Variants in ANKRD28 observed in about 807,000 individuals in gnomAD.
The protein encoded by ANKRD28 is serine/threonine-protein phosphatase 6 regulatory ankyrin repeat subunit A.
ANKRD28 carries 44 observed loss-of-function variants against 126.5 expected under a neutral mutation model. The ratio of observed to expected loss-of-function variants is 0.35; its 90% CI spans 0.27 to 0.45. The LOEUF (loss-of-function observed/expected upper bound fraction) is 0.45. Among genes scored for constraint, ANKRD28 ranks in the 20% least tolerant of loss-of-function variants. The probability of loss-of-function intolerance (pLI) is 1.00; values close to 1 mark genes in which losing one functional copy is unlikely to be tolerated. For missense variants in ANKRD28, 1,110 were observed against 1,316.6 expected, an observed-to-expected ratio of 0.84 and a Z score of 2.43; for synonymous variants, 442 against 468.5, an observed-to-expected ratio of 0.94 and a Z score of 0.73.
chr3:15,818,908 T>C (rs1264716501), intron 1 of ANKRD28, among the ~76,000 whole-genome samples: 3 of 152,144 alleles, frequency 2.0e-5, no homozygotes, highest in Non-Finnish European at 2.9e-5. Flanking sequence ...GTGAAATTCA[T>C]ATGGAAAGGA....
chr3:15,677,439 A>AATATT, intron 25 of ANKRD28, 41 bp downstream of exon 25: 1 of 1,457,704 alleles, frequency 6.9e-7, no homozygotes, highest in Non-Finnish European at 9.5e-7. Flanking sequence ...GGTCACTGTT[A>AATATT]ATATTAACAA....
intron 1 of ANKRD28, among the ~76,000 whole-genome samples, chr3:15,809,114 T>C (rs1443596774): frequency 6.6e-6 from 1 of 152,160 alleles, no homozygotes; most frequent in Non-Finnish European, 1.5e-5. Flanking sequence ...TGGTTAATAG[T>C]AATGGCATCA....
chr3:15,723,664 A>C (rs1044376588), intron 7 of ANKRD28, among the ~76,000 whole-genome samples: 15 of 152,120 alleles, frequency 9.9e-5, no homozygotes, highest in Non-Finnish European at 1.5e-5. Flanking sequence ...CTAGCTATTC[A>C]GGAGGCTTAG....
chr3:15,790,305 C>T (rs1486608550), intron 2 of ANKRD28, among the ~76,000 whole-genome samples: 2 of 151,926 alleles, frequency 1.3e-5, no homozygotes, highest in African/African-American at 4.8e-5. Flanking sequence ...GCCAGTATTA[C>T]CCTGATACCA....
intron 17 of ANKRD28, among the ~76,000 whole-genome samples, chr3:15,691,043 G>A (rs976075722): frequency 1.3e-5 from 2 of 151,904 alleles, no homozygotes; most frequent in Non-Finnish European, 2.9e-5. Context: ...GCATAACCGA[G>A]CCCTGCTTGA....
chr3:15,842,770 GT>G (rs546159353), intron 1 of ANKRD28, among the ~76,000 whole-genome samples: 6 of 152,088 alleles, frequency 3.9e-5, no homozygotes, highest in African/African-American at 1.4e-4. Flanking sequence ...TAAAAGTTTG[GT>G]TTTTTTGGAA....
At chr3:15,820,544 A>G (rs2060921317) in intron 1 of ANKRD28, among the ~76,000 whole-genome samples, 1 of 152,214 alleles carries the variant, frequency 6.6e-6, no homozygotes. Context: ...GACTTAGGAA[A>G]CTAATCATAT....
chr3:15,856,338 A>G (rs1235085386), intron 1 of ANKRD28, among the ~76,000 whole-genome samples: 1 of 152,196 alleles, frequency 6.6e-6, no homozygotes, highest in Non-Finnish European at 1.5e-5. Context: ...CCCAATGTCA[A>G]TTACCATTTA....
chr3:15,715,571 G>A (rs1011742784), intron 8 of ANKRD28, among the ~76,000 whole-genome samples: 3 of 152,182 alleles, frequency 2.0e-5, no homozygotes, highest in Non-Finnish European at 4.4e-5. Flanking sequence ...GAGGCAGTAC[G>A]AGAAAGGAAG....
At chr3:15,789,869 T>C (rs1427865587) in intron 2 of ANKRD28, among the ~76,000 whole-genome samples, 1 of 151,982 alleles carries the variant, frequency 6.6e-6, no homozygotes, top group African/African-American at 2.4e-5. Context: ...GACAAATCTT[T>C]AGCCAGACTA....
At chr3:15,792,305 T>C (rs1254441945) in intron 2 of ANKRD28, among the ~76,000 whole-genome samples, 1 of 152,088 alleles carries the variant, frequency 6.6e-6, no homozygotes, top group African/African-American at 2.4e-5. Flanking sequence ...TAGCTAACAT[T>C]TGGAGGCAAC....
At chr3:15,773,354 G>A (rs1482384532) in intron 2 of ANKRD28, among the ~76,000 whole-genome samples, 2 of 152,238 alleles carry the variant, frequency 1.3e-5, no homozygotes, top group Non-Finnish European at 2.9e-5. Flanking sequence ...GCCAGATGCA[G>A]TGGCTCACTC....
chr3:15,852,693 C>T (rs1247232092), intron 1 of ANKRD28, among the ~76,000 whole-genome samples: 1 of 152,044 alleles, frequency 6.6e-6, no homozygotes, highest in East Asian at 1.9e-4. Context: ...ATTAGCCAGG[C>T]ATGGTGGCGG....
At chr3:15,768,228 G>A (rs535112443) in intron 2 of ANKRD28, among the ~76,000 whole-genome samples, 1 of 152,100 alleles carries the variant, frequency 6.6e-6, no homozygotes, top group African/African-American at 2.4e-5. Flanking sequence ...ACTTCATTTT[G>A]TAATAATTTT....
At chr3:15,798,077 A>G (rs567365724), upstream of ANKRD28, 16 of 985,410 alleles carry the variant, frequency 1.6e-5, no homozygotes, top group South Asian at 7.5e-4. Context: ...TTCTGTGACT[A>G]ATCCAAATCA....
intron 4 of ANKRD28, among the ~76,000 whole-genome samples, chr3:15,746,656 A>G (rs1430457707): frequency 6.6e-6 from 1 of 151,976 alleles, no homozygotes; most frequent in East Asian, 1.9e-4. Flanking sequence ...CTCATCAGGG[A>G]TATTGGTCTG....
intron 15 of ANKRD28, 113 bp from the exon 16 acceptor site, chr3:15,695,327 C>T: frequency 1.3e-6 from 1 of 752,670 alleles, no homozygotes; most frequent in Non-Finnish European, 2.2e-6. Context: ...CTTCCTTTGG[C>T]TCCAAAAAAT....
chr3:15,802,458 T>C (rs1231660897), upstream of ANKRD28, among the ~76,000 whole-genome samples: 1 of 152,168 alleles, frequency 6.6e-6, no homozygotes, highest in Non-Finnish European at 1.5e-5. Flanking sequence ...TGAGCCTAAC[T>C]CTAAATGATA....
rs73149410 is a variant in ANKRD28, at chr3:15,803,840, G to A, written c.28-8534C>T. Among the ~76,000 whole-genome samples the A allele has an allele frequency of 9.9e-3, 1,432 of 143,926 alleles. 175 individuals are homozygous for A. The highest frequency in any genetic ancestry group is 0.035 in the African/African-American group (1,327 of 38,312). 94.4% of individuals were successfully genotyped at this position (143,926 alleles called of 152,430 possible). A position where few individuals can be genotyped will look rare whatever the true frequency, so the allele number is the denominator to read the frequency against. On this transcript the variant is annotated intron_variant, in intron 1 of 27. Transcript: ENST00000399451. Reference sequence around the variant, plus strand: ...CATCAATATCTAAGGTGCATTTCATGCTCTCAAACTCTGTTTTAAACTTAA... The same window carrying A: ...CATCAATATCTAAGGTGCATTTCATACTCTCAAACTCTGTTTTAAACTTAA...
Sources: gnomAD v4.1 joint callset for allele counts (sites outside exome capture counted in the v4.1 genomes callset) on GRCh38, gnomAD v4.1.1 for gene constraint, MANE v1.5 for transcripts, NCBI Gene and HGNC (gene_info 2026-07-23, HGNC 2026-07-21) for gene names.